MAGI2: variants seen among roughly 807,000 people sequenced by gnomAD.
MAGI2 encodes the protein membrane-associated guanylate kinase, WW and PDZ domain-containing protein 2.
Under a neutral mutation model 133.3 loss-of-function variants are expected in MAGI2, and 35 were observed. That is an observed-to-expected ratio of 0.26 (90% CI 0.20 to 0.35). The LOEUF is 0.35. Among genes scored for constraint, MAGI2 ranks in the 10% least tolerant of loss-of-function variants. The pLI is 1.00. For synonymous variants in MAGI2, 729 were observed against 710.6 expected (o/e 1.03, Z -0.41); for missense variants, 1,636 against 1,863.4 (o/e 0.88, Z 2.25).
chr7:79,416,909 A>T (rs1260447571), intron 1 of MAGI2, among the ~76,000 whole-genome samples: 1 of 150,578 alleles, frequency 6.6e-6, no homozygotes. Flanking sequence ...AAATTTTTGT[A>T]TTTTAGTAGA....
intron 2 of MAGI2, among the ~76,000 whole-genome samples, chr7:78,912,994 C>A (rs1242757824): frequency 6.6e-6 from 1 of 151,588 alleles, no homozygotes. Flanking sequence ...GGGTGGAGAT[C>A]AAGAGAAAGC....
At chr7:78,188,302 C>T (rs1031770255) in intron 12 of MAGI2, among the ~76,000 whole-genome samples, 12 of 152,186 alleles carry the variant, frequency 7.9e-5, no homozygotes, top group African/African-American at 2.6e-4. Flanking sequence ...ACAGCTTAAC[C>T]GGATTTACTG....
At chr7:79,433,137 T>G (rs1847887911) in intron 1 of MAGI2, among the ~76,000 whole-genome samples, 1 of 152,168 alleles carries the variant, frequency 6.6e-6, no homozygotes, top group Non-Finnish European at 1.5e-5. Context: ...ATACCTAAAA[T>G]TGAGACTATT....
chr7:78,050,609 C>T (rs190881856), intron 21 of MAGI2, among the ~76,000 whole-genome samples: 17 of 152,208 alleles, frequency 1.1e-4, no homozygotes, highest in East Asian at 1.9e-4. Flanking sequence ...GGAATTGAAA[C>T]GTTTGTTTCT....
chr7:79,390,410 GTAAA>G (rs1393126404), intron 1 of MAGI2, among the ~76,000 whole-genome samples: 1 of 152,150 alleles, frequency 6.6e-6, no homozygotes, highest in African/African-American at 2.4e-5. Flanking sequence ...CAAAAAAAGA[GTAAA>G]TATTAAATAA....
At chr7:79,188,450 A>G (rs1174363595) in intron 1 of MAGI2, among the ~76,000 whole-genome samples, 2 of 151,836 alleles carry the variant, frequency 1.3e-5, no homozygotes, top group African/African-American at 4.8e-5. Flanking sequence ...TGCAAAGGAT[A>G]TGATCTCATT....
chr7:78,132,226 T>C (rs548677208), intron 18 of MAGI2, among the ~76,000 whole-genome samples: 3 of 152,324 alleles, frequency 2.0e-5, no homozygotes, highest in Non-Finnish European at 2.9e-5. Flanking sequence ...TACCTCCACA[T>C]CATCATCATT....
chr7:79,247,457 T>TA, intron 1 of MAGI2, among the ~76,000 whole-genome samples: 1 of 151,810 alleles, frequency 6.6e-6, no homozygotes, highest in African/African-American at 2.4e-5. Context: ...TCTAAAAAAA[T>TA]AAAAAATTCG....
At chr7:79,307,262 C>A (rs1235771373) in intron 1 of MAGI2, among the ~76,000 whole-genome samples, 1 of 152,158 alleles carries the variant, frequency 6.6e-6, no homozygotes, top group East Asian at 1.9e-4. Context: ...AGTGTAAAAT[C>A]ATAGCTACAC....
chr7:79,453,403 G>A lies in MAGI2; in HGVS notation c.-83C>T, dbSNP rs912045119. On this transcript the variant is annotated 5_prime_UTR_variant, in exon 1 of 22. Coordinates refer to ENST00000354212, the MANE Select transcript of MAGI2 (RefSeq NM_012301.4). ...TGAGAGAATGAGGATGGAGGAGCAA[G>A]GGGGCCCAGGGGGAAGAACAGCAGA... The A allele has an allele frequency of 1.3e-6, 2 of 1,512,320 alleles. No homozygotes were observed. The highest frequency in any genetic ancestry group is 1.8e-6 in the Non-Finnish European group (2 of 1,135,956). 93.7% of individuals were successfully genotyped at this position (1,512,320 alleles called of 1,614,324 possible).
At chr7:79,407,844 T>C (rs1473916367) in intron 1 of MAGI2, among the ~76,000 whole-genome samples, 1 of 152,172 alleles carries the variant, frequency 6.6e-6, no homozygotes, top group African/African-American at 2.4e-5. Flanking sequence ...TTTTGGGTTT[T>C]CATTTATACA....
intron 1 of MAGI2, among the ~76,000 whole-genome samples, chr7:79,280,195 A>G (rs1421796033): frequency 1.3e-5 from 2 of 152,168 alleles, no homozygotes; most frequent in East Asian, 3.9e-4. Flanking sequence ...ATTTAACATG[A>G]CCTAACAGAG....
chr7:78,593,528 G>A (rs1276420014), intron 3 of MAGI2, among the ~76,000 whole-genome samples: 2 of 152,176 alleles, frequency 1.3e-5, no homozygotes, highest in Non-Finnish European at 2.9e-5. Flanking sequence ...ACCTACATGG[G>A]AAACTCGACT....
At chr7:78,457,460 G>A (rs1350944083) in intron 6 of MAGI2, among the ~76,000 whole-genome samples, 1 of 152,140 alleles carries the variant, frequency 6.6e-6, no homozygotes, top group South Asian at 2.1e-4. Context: ...AGCTCTGTGA[G>A]TCTCAGTTTC....
At chr7:78,219,793 G>A (rs1788629896) in intron 10 of MAGI2, among the ~76,000 whole-genome samples, 1 of 152,030 alleles carries the variant, frequency 6.6e-6, no homozygotes, top group Admixed American at 6.6e-5. Flanking sequence ...GATGTCGCTG[G>A]TATTGACCTC....
chr7:79,321,629 T>G (rs1585561808), intron 1 of MAGI2, among the ~76,000 whole-genome samples: 1 of 152,218 alleles, frequency 6.6e-6, no homozygotes, highest in African/African-American at 2.4e-5. Context: ...CTGGGTACCA[T>G]GGTGATTATA....
chr7:78,500,011 G>T (rs1057423755), intron 5 of MAGI2, among the ~76,000 whole-genome samples: 1 of 152,152 alleles, frequency 6.6e-6, no homozygotes, highest in Non-Finnish European at 1.5e-5. Context: ...ACAGCAATAA[G>T]AAATAATGTA....
intron 1 of MAGI2, among the ~76,000 whole-genome samples, chr7:79,042,614 GACTTTGAT>G (rs1173861445): frequency 2.0e-5 from 3 of 152,150 alleles, no homozygotes; most frequent in Non-Finnish European, 4.4e-5. Context: ...GACTTACAAA[GACTTTGAT>G]AACCACACAA....
intron 14 of MAGI2, chr7:78,170,774 C>T (rs561421144): frequency 6.6e-6 from 1 of 151,554 alleles, no homozygotes; most frequent in African/African-American, 2.4e-5. Flanking sequence ...ATAGCATATT[C>T]ACTATAACAC....
Sources: allele counts gnomAD v4.1 joint callset (sites outside exome capture counted in the v4.1 genomes callset), GRCh38; gene constraint gnomAD v4.1.1; transcripts MANE v1.5; gene names NCBI Gene and HGNC (gene_info 2026-07-23, HGNC 2026-07-21).